The following REEP1 variants were observed in gnomAD, a reference collection of about 807,000 sequenced individuals.
REEP1 encodes the protein receptor accessory protein 1, also known as receptor expression-enhancing protein 1.
Under a neutral mutation model 40.3 loss-of-function variants are expected in REEP1, and 22 were observed. The ratio of observed to expected loss-of-function variants is 0.55; its 90% CI spans 0.39 to 0.78. The LOEUF (loss-of-function observed/expected upper bound fraction) is 0.78, where lower values mean the gene tolerates loss of function less well. Ranked by LOEUF, REEP1 falls within the 30% of genes least tolerant of loss-of-function variation. REEP1 has a pLI of 0.00. For missense variants in REEP1, 280 were observed against 361.1 expected (o/e 0.78, Z 1.82); for synonymous variants, 116 against 139.2 (o/e 0.83, Z 1.17).
chr2:86,334,253 T>G (rs1318793889), intron 1 of REEP1, among the ~76,000 whole-genome samples: 2 of 152,136 alleles, frequency 1.3e-5, no homozygotes, highest in Non-Finnish European at 2.9e-5. Context: ...TTGTGATACC[T>G]CTGGTCGGAT....
At position 86,216,157 on chromosome 2, in the gene REEP1, T is replaced by C. The variant is rs1056602262; in HGVS notation, c.*882A>G. On this transcript the variant is annotated 3_prime_UTR_variant, in exon 9 of 9. Coordinates refer to ENST00000538924, the MANE Select transcript of REEP1 (RefSeq NM_001371279.1). ...CGTCCTTTGTCAAGCACAGAATTAC[T>C]CCTTCCAGCAGCTCTACATGTTCCC... 1 of 152,200 alleles carries C rather than the reference T, an allele frequency of 6.6e-6. No individual in the cohort carries two copies. Among genetic ancestry groups the C allele is most frequent in the Non-Finnish European group, 1.5e-5 (1 of 68,032 alleles). 9.4% of individuals were successfully genotyped at this position (152,200 alleles called of 1,614,324 possible). A position where few individuals can be genotyped will look rare whatever the true frequency, so the allele number is the denominator to read the frequency against.
chr2:86,325,276 C>T (rs910240341), intron 1 of REEP1, among the ~76,000 whole-genome samples: 3 of 152,130 alleles, frequency 2.0e-5, no homozygotes, highest in African/African-American at 7.2e-5. Flanking sequence ...AAGATAAAGA[C>T]GTTAGAACAT....
rs1678204859 is a variant in REEP1, at chr2:86,283,391, C to A, written c.33-1149G>T. Among the ~76,000 whole-genome samples the A allele has an allele frequency of 2.0e-5, 3 of 152,294 alleles. No homozygotes were observed. In the South Asian group the frequency reaches 6.2e-4, roughly 32 times the overall value. ...TGACTAGGTGCAGGAGTGGGCCTGG[C>A]CCAGGTACTATATGAGCTGACATCT... On this transcript the variant is annotated intron_variant, in intron 1 of 8. Transcript: ENST00000538924.
At chr2:86,219,637 G>T (rs1674312250) in intron 8 of REEP1, among the ~76,000 whole-genome samples, 1 of 151,894 alleles carries the variant, frequency 6.6e-6, no homozygotes, top group South Asian at 2.1e-4. Context: ...GTAGATAAGG[G>T]GTTTTGCCAT....
intron 1 of REEP1, among the ~76,000 whole-genome samples, chr2:86,296,683 C>G (rs1254490054): frequency 2.6e-5 from 4 of 152,076 alleles, no homozygotes; most frequent in African/African-American, 7.2e-5. Flanking sequence ...GTGGCAAAAC[C>G]CTGTCTTTAC....
At chr2:86,266,394 T>C (rs951052464) in intron 2 of REEP1, among the ~76,000 whole-genome samples, 1 of 146,340 alleles carries the variant, frequency 6.8e-6, no homozygotes, top group African/African-American at 2.5e-5. Context: ...CCGAGGCGGG[T>C]GGATCATGAG....
intron 1 of REEP1, among the ~76,000 whole-genome samples, chr2:86,289,861 G>A (rs13023154): frequency 0.29 from 44,187 of 152,014 alleles, 7,862 homozygotes; most frequent in Non-Finnish European, 0.4. Flanking sequence ...GAATGCTACT[G>A]ACTTTCCAGG....
intron 1 of REEP1, among the ~76,000 whole-genome samples, chr2:86,293,373 A>G (rs1360746714): frequency 6.6e-6 from 1 of 152,256 alleles, no homozygotes; most frequent in African/African-American, 2.4e-5. Flanking sequence ...AAGACAAATG[A>G]TGATGGGCAA....
At chr2:86,271,551 T>C (rs1009951775) in intron 2 of REEP1, among the ~76,000 whole-genome samples, 11 of 152,196 alleles carry the variant, frequency 7.2e-5, no homozygotes. Context: ...AAAATATCTT[T>C]CAAAAAATGA....
intron 1 of REEP1, among the ~76,000 whole-genome samples, chr2:86,317,657 T>C (rs542255239): frequency 1.7e-3 from 266 of 152,254 alleles, no homozygotes; most frequent in Admixed American, 3.3e-3. Flanking sequence ...CACAATACAA[T>C]AGGGAAAACA....
In REEP1 at chr2:86,216,034, G is replaced by C. The variant is rs1674095064; in HGVS notation, c.*1005C>G. 1 of 152,220 alleles carries C rather than the reference G, an allele frequency of 6.6e-6. No individual in the cohort carries two copies. The highest frequency in any genetic ancestry group is 2.4e-5 in the African/African-American group (1 of 41,452). The allele number at this position is 152,220 out of a possible 1,614,324, so 9.4% of individuals were successfully genotyped here. A position where few individuals can be genotyped will look rare whatever the true frequency, so the allele number is the denominator to read the frequency against. On this transcript the variant is annotated 3_prime_UTR_variant, in exon 9 of 9. Coordinates refer to ENST00000538924, the MANE Select transcript of REEP1 (RefSeq NM_001371279.1). ...TTTTTTGTGTGTTTGTTTTTGCTAAGCTAAACAAGTTTTGCTAGAGTTCGC... is the reference window on the plus strand; with the variant it reads ...TTTTTTGTGTGTTTGTTTTTGCTAACCTAAACAAGTTTTGCTAGAGTTCGC...
intron 2 of REEP1, chr2:86,280,000 C>T (rs1422126102): frequency 2.2e-6 from 1 of 456,148 alleles, no homozygotes; most frequent in Non-Finnish European, 4.4e-6. Context: ...CTGAGAGTGG[C>T]AGCAGAGAAG....
chr2:86,262,826 T>C (rs1676936363), intron 3 of REEP1, among the ~76,000 whole-genome samples: 1 of 152,240 alleles, frequency 6.6e-6, no homozygotes, highest in African/African-American at 2.4e-5. Context: ...TTAATACACA[T>C]TCACATGTGC....
chr2:86,273,140 C>CAA (rs35100792), intron 2 of REEP1, among the ~76,000 whole-genome samples: 51,681 of 144,602 alleles, frequency 0.36, 10,943 homozygotes, highest in East Asian at 0.57. Flanking sequence ...GACCCTGTCT[C>CAA]AAAAAAAAAA....
At chr2:86,239,565 G>A (rs180804469) in intron 5 of REEP1, among the ~76,000 whole-genome samples, 4 of 152,252 alleles carry the variant, frequency 2.6e-5, no homozygotes, top group East Asian at 3.9e-4. Context: ...TGGGGTGCCC[G>A]CCTCACTGGT....
rs531617730 is a variant in REEP1 at position 86,264,079 on chromosome 2, T to C, written c.106-38A>G. 144 of 1,539,104 alleles carry C rather than the reference T, an allele frequency of 9.4e-5. 2 individuals are homozygous for C. In the South Asian group the frequency reaches 1.4e-3, roughly 15 times the overall value. ...AAAGCAACACAGCTGGTAGAAAAGG[T>C]CCAGGAAAAACACTGCCCAACACCA... On this transcript the variant is annotated intron_variant, in intron 2 of 8. Transcript: ENST00000538924.
At chr2:86,237,963 C>A (rs892710323) in intron 5 of REEP1, among the ~76,000 whole-genome samples, 1 of 152,116 alleles carries the variant, frequency 6.6e-6, no homozygotes, top group Non-Finnish European at 1.5e-5. Context: ...GAGTGGATCA[C>A]CTGAGGTCGG....
chr2:86,226,462 TCTTTTC>T (rs748474460), intron 7 of REEP1, among the ~76,000 whole-genome samples: 570 of 56,998 alleles, frequency 0.01, 18 homozygotes, highest in African/African-American at 0.016. Context: ...TGTGGCTTTT[TCTTTTC>T]TTTTTTTTTT....
intron 3 of REEP1, among the ~76,000 whole-genome samples, chr2:86,260,673 T>C (rs1676809494): frequency 6.6e-6 from 1 of 152,110 alleles, no homozygotes; most frequent in Admixed American, 6.5e-5. Context: ...GGTGGTGGCA[T>C]GTGTCAAGAA....
Sources: allele counts gnomAD v4.1 joint callset (sites outside exome capture counted in the v4.1 genomes callset), GRCh38; gene constraint gnomAD v4.1.1; transcripts MANE v1.5; gene names NCBI Gene and HGNC (gene_info 2026-07-23, HGNC 2026-07-21).